MDGA2: variants seen among roughly 807,000 people sequenced by gnomAD.
The protein encoded by MDGA2 is MAM domain-containing glycosylphosphatidylinositol anchor protein 2.
In MDGA2, 40 loss-of-function variants were observed where a neutral mutation model predicts 117.8. The ratio of observed to expected loss-of-function variants is 0.34; its 90% CI spans 0.26 to 0.44. MDGA2 has a LOEUF of 0.44. Among genes scored for constraint, MDGA2 ranks in the 20% least tolerant of loss-of-function variants. The probability of loss-of-function intolerance (pLI) is 1.00; values close to 1 mark genes in which losing one functional copy is unlikely to be tolerated. For synonymous variants in MDGA2, 452 were observed against 439.0 expected, an observed-to-expected ratio of 1.03 and a Z score of -0.37; for missense variants, 1,123 against 1,250.6, an observed-to-expected ratio of 0.90 and a Z score of 1.54.
At chr14:46,893,288 A>G (rs1453855225) in intron 10 of MDGA2, among the ~76,000 whole-genome samples, 1 of 152,000 alleles carries the variant, frequency 6.6e-6, no homozygotes, top group Non-Finnish European at 1.5e-5. Context: ...TGGAATCTAA[A>G]ACAAAACAAA....
At chr14:46,844,416 C>A (rs1880738780) in intron 16 of MDGA2, among the ~76,000 whole-genome samples, 1 of 151,920 alleles carries the variant, frequency 6.6e-6, no homozygotes, top group South Asian at 2.1e-4. Context: ...CGCGTCTCTA[C>A]TAAAAATACA....
At chr14:47,273,100 C>T (rs562131463) in intron 2 of MDGA2, among the ~76,000 whole-genome samples, 22 of 152,156 alleles carry the variant, frequency 1.4e-4, no homozygotes, top group African/African-American at 5.1e-4. Context: ...CTCTGTCCTT[C>T]TGACTTATAT....
chr14:47,091,441 G>C (rs61991263), intron 6 of MDGA2, among the ~76,000 whole-genome samples: 25,414 of 152,002 alleles, frequency 0.17, 2,441 homozygotes, highest in East Asian at 0.3. Context: ...TCATGGTATG[G>C]AAATTAGAGA....
At chr14:47,362,851 AC>A (rs1566755030) in intron 1 of MDGA2, among the ~76,000 whole-genome samples, 2 of 152,206 alleles carry the variant, frequency 1.3e-5, no homozygotes, top group Non-Finnish European at 1.5e-5. Flanking sequence ...ATCAAAAACT[AC>A]CATATTAGTG....
chr14:46,957,270 G>C, intron 9 of MDGA2, 104 bp downstream of exon 9: 1 of 1,124,272 alleles, frequency 8.9e-7, no homozygotes, highest in Non-Finnish European at 1.2e-6. Context: ...GCTGTTCTAT[G>C]CTCCATTGAT....
In MDGA2 at chr14:47,155,888, C is replaced by CTTTTTTTTTT. The variant is rs55827732; in HGVS notation, c.596-11624_596-11615dup. Among the ~76,000 whole-genome samples the CTTTTTTTTTT allele has an allele frequency of 2.3e-3, 93 of 40,128 alleles. 6 individuals are homozygous for CTTTTTTTTTT. The highest frequency in any genetic ancestry group is 3.0e-3 in the Non-Finnish European group (70 of 23,034). The allele number at this position is 40,128 out of a possible 152,430, so 26.3% of individuals were successfully genotyped here. On this transcript the variant is annotated intron_variant, in intron 3 of 16. Transcript: ENST00000399232. ...ATTCTTTTCTTTTCTTCTTCTTCTTCTTTTTTTTTTTTTTTTTTTTTTTTT... is the reference window on the plus strand; with the variant it reads ...ATTCTTTTCTTTTCTTCTTCTTCTTCTTTTTTTTTTTTTTTTTTTTTTTTTTTTTTTTTTT...
chr14:47,231,843 A>C (rs1886703545), intron 2 of MDGA2, among the ~76,000 whole-genome samples: 1 of 152,062 alleles, frequency 6.6e-6, no homozygotes, highest in Non-Finnish European at 1.5e-5. Context: ...CTTCTCCACA[A>C]ACAGCAGGGA....
intron 1 of MDGA2, among the ~76,000 whole-genome samples, chr14:47,347,661 G>T (rs1166132777): frequency 6.6e-6 from 1 of 152,192 alleles, no homozygotes; most frequent in Non-Finnish European, 1.5e-5. Context: ...TGAAACACAG[G>T]ATAGAGATAT....
intron 1 of MDGA2, among the ~76,000 whole-genome samples, chr14:47,477,116 C>A (rs528667833): frequency 6.6e-6 from 1 of 152,132 alleles, no homozygotes; most frequent in African/African-American, 2.4e-5. Context: ...GAGCCGAGAT[C>A]GTGCCATTGC....
Position 47,333,510 on chromosome 14 carries a change from G to T in MDGA2, c.281-31960C>A, listed in dbSNP as rs145556410. ...ATATGAAAATCTTTATTTTGGCTAT[G>T]AAGTCTTGATCACTATAATCCAAAT... On this transcript the variant is annotated intron_variant, in intron 1 of 16. Transcript: ENST00000399232. Among the ~76,000 whole-genome samples, 681 of 151,910 alleles carry T rather than the reference G, an allele frequency of 4.5e-3. 6 individuals are homozygous for T. Among genetic ancestry groups the T allele is most frequent in the South Asian group, 0.022 (105 of 4,814 alleles).
At chr14:47,167,424 A>G (rs937191702) in intron 3 of MDGA2, among the ~76,000 whole-genome samples, 2 of 152,172 alleles carry the variant, frequency 1.3e-5, no homozygotes, top group African/African-American at 4.8e-5. Context: ...CCTCCAAGCC[A>G]GTTGATTGTG....
In MDGA2 at chr14:47,061,431, G is replaced by A; in HGVS notation, c.1343C>T (p.Pro448Leu). ...GACCATCCGCTCAGAACTTCTTAAT[G>A]GACGACCATTTTTAAACCAACTAAA... Reference protein sequence around the residue: ...LTFSWFKNGRPLRSSERMVIT... With the variant: ...LTFSWFKNGRLLRSSERMVIT... The change falls in exon 7 of 17, where the codon CCA (proline) becomes CTA (leucine). Residue 448 changes from proline (P) to leucine (L), a missense_variant. Around this residue, in one of 2 missense-constraint regions of MDGA2, gnomAD observed 890 missense variants for 1,050.3 expected, o/e 0.85. Transcript: ENST00000399232. 1.2e-6 allele frequency: 2 copies of A among 1,613,560 alleles called. No homozygotes were observed. Among genetic ancestry groups the A allele is most frequent in the African/African-American group, 2.7e-5 (2 of 74,992 alleles).
chr14:46,996,721 C>T (rs968754462), intron 8 of MDGA2: 1 of 161,722 alleles, frequency 6.2e-6, no homozygotes, highest in Non-Finnish European at 1.3e-5. Flanking sequence ...TTAATGCAGA[C>T]AGTGTCAGTG....
chr14:46,990,919 T>C (rs1471789133), intron 8 of MDGA2, among the ~76,000 whole-genome samples: 1 of 150,478 alleles, frequency 6.6e-6, no homozygotes, highest in Non-Finnish European at 1.5e-5. Flanking sequence ...AAGACACAGC[T>C]AGAAAATACA....
chr14:47,611,448 C>CTA (rs998436795), intron 1 of MDGA2, among the ~76,000 whole-genome samples: 3 of 151,836 alleles, frequency 2.0e-5, no homozygotes, highest in Admixed American at 6.6e-5. Flanking sequence ...AAAATCTTCA[C>CTA]TATATATATA....
chr14:47,424,266 T>A (rs1281786258), intron 1 of MDGA2, among the ~76,000 whole-genome samples: 1 of 151,980 alleles, frequency 6.6e-6, no homozygotes, highest in Non-Finnish European at 1.5e-5. Context: ...TACAAAAAAA[T>A]TTTAAAAATT....
rs189572125 is a variant in MDGA2, at chr14:47,240,434, A to G, written c.421-22239T>C. On this transcript the variant is annotated intron_variant, in intron 2 of 16. Coordinates refer to ENST00000399232, the MANE Select transcript of MDGA2 (RefSeq NM_001113498.3). ...GAGTGTGTTAAGTTATGAACATTCA[A>G]TAAAACAGCAATCATAATAATAAAG... 2.5e-3 allele frequency among the ~76,000 whole-genome samples: 377 copies of G among 152,010 alleles called. 3 individuals carry two copies. The highest frequency in any genetic ancestry group is 8.5e-3 in the African/African-American group (351 of 41,520).
chr14:47,496,440 G>C (rs1171506632), intron 1 of MDGA2, among the ~76,000 whole-genome samples: 1 of 151,984 alleles, frequency 6.6e-6, no homozygotes, highest in East Asian at 1.9e-4. Context: ...AATGGGGTCA[G>C]GCTATGTTGC....
intron 3 of MDGA2, among the ~76,000 whole-genome samples, chr14:47,165,931 A>G (rs1187320021): frequency 1.3e-5 from 2 of 151,986 alleles, no homozygotes; most frequent in Non-Finnish European, 2.9e-5. Context: ...AAAAAGAATT[A>G]GTGGCTAAAT....
Sources: gnomAD v4.1 joint callset for allele counts (sites outside exome capture counted in the v4.1 genomes callset) on GRCh38, gnomAD v4.1.1 for gene constraint, gnomAD v4.1.1 regional missense constraint, MANE v1.5 for transcripts, NCBI Gene and HGNC (gene_info 2026-07-23, HGNC 2026-07-21) for gene names.